NDUFAF5: variants seen among roughly 807,000 people sequenced by gnomAD.
The protein encoded by NDUFAF5 is NADH:ubiquinone oxidoreductase complex assembly factor 5.
In NDUFAF5, 34 loss-of-function variants were observed where a neutral mutation model predicts 48.9. The observed-to-expected ratio is 0.70, with a 90% CI of 0.53 to 0.93. The LOEUF is 0.93. NDUFAF5 is among the 40% of genes least tolerant of loss of function. The pLI is 0.00. For synonymous variants in NDUFAF5, 153 were observed against 150.6 expected (o/e 1.02, Z -0.12); for missense variants, 428 against 427.5 (o/e 1.00, Z -0.01).
chr20:13,804,853 A>G (rs1476058856), intron 7 of NDUFAF5, among the ~76,000 whole-genome samples: 1 of 152,150 alleles, frequency 6.6e-6, no homozygotes, highest in East Asian at 1.9e-4. Context: ...TAAACTTTAG[A>G]CCGTTCAATA....
chr20:13,795,390 ATAT>A, intron 5 of NDUFAF5, among the ~76,000 whole-genome samples: 1 of 152,304 alleles, frequency 6.6e-6, no homozygotes, highest in South Asian at 2.1e-4. Context: ...GCACTATATC[ATAT>A]TATCTCCACC....
In NDUFAF5 at chr20:13,820,696, GA is replaced by G. The variant is rs886504622; in HGVS notation, c.*3497del. On this transcript the variant is annotated 3_prime_UTR_variant, in exon 11 of 11. Transcript: ENST00000378106. ...ACAGCAAGACCCTCGTCTCAAAAAA[GA>G]AAAAAAAAAAGTACAATTTTTGTAT... 107 of 139,190 alleles carry G rather than the reference GA, an allele frequency of 7.7e-4. No homozygotes were observed. The highest frequency in any genetic ancestry group is 7.3e-3 in the Middle Eastern group (2 of 274). The allele number at this position is 139,190 out of a possible 1,614,324, so 8.6% of individuals were successfully genotyped here.
intron 8 of NDUFAF5, among the ~76,000 whole-genome samples, chr20:13,809,669 A>G (rs1020118052): frequency 6.6e-6 from 1 of 152,224 alleles, no homozygotes; most frequent in South Asian, 2.1e-4. Context: ...CATCTTAGAG[A>G]GGTAACAGTA....
At chr20:13,796,756 A>G (rs1983291458) in intron 5 of NDUFAF5, among the ~76,000 whole-genome samples, 1 of 152,232 alleles carries the variant, frequency 6.6e-6, no homozygotes, top group Non-Finnish European at 1.5e-5. Context: ...AGGCAGGCAG[A>G]TCACTTGAGG....
rs1023997014 is a variant in NDUFAF5 at position 13,821,405 on chromosome 20, C to T, written c.*4195C>T. 2 of 152,306 alleles carry T rather than the reference C, an allele frequency of 1.3e-5. No individual in the cohort carries two copies. The highest frequency in any genetic ancestry group is 4.8e-5 in the African/African-American group (2 of 41,456). 9.4% of individuals were successfully genotyped at this position (152,306 alleles called of 1,614,324 possible). A position where few individuals can be genotyped will look rare whatever the true frequency, so the allele number is the denominator to read the frequency against. ...AGGAGCAGAGGCCTCCAGCCAAAAG[C>T]CATGTGAGGGAGCCATCTTGGAAGC... On this transcript the variant is annotated 3_prime_UTR_variant, in exon 11 of 11. Transcript: ENST00000378106.
chr20:13,812,279 A>G lies in NDUFAF5; in HGVS notation c.778+3377A>G, dbSNP rs867567291. 3.9e-4 allele frequency among the ~76,000 whole-genome samples: 59 copies of G among 152,272 alleles called. 1 individual carries two copies. In the Middle Eastern group the frequency reaches 0.031, roughly 79 times the overall value. ...TTACCATTGTCATCAGTTTTCATTC[A>G]TTAATAGAGGGATTGGCAGCCTGTA... On this transcript the variant is annotated intron_variant, in intron 8 of 10. Coordinates refer to ENST00000378106, the MANE Select transcript of NDUFAF5 (RefSeq NM_024120.5).
At chr20:13,816,738 A>G (rs1355804387) in intron 9 of NDUFAF5, 137 bp from the exon 10 acceptor site, 1 of 760,712 alleles carries the variant, frequency 1.3e-6, no homozygotes, top group Non-Finnish European at 2.3e-6. Context: ...CAGTATTAAG[A>G]ATTTTTCATG....
intron 1 of NDUFAF5, among the ~76,000 whole-genome samples, chr20:13,786,015 T>G (rs1324086927): frequency 6.6e-6 from 1 of 152,190 alleles, no homozygotes; most frequent in Non-Finnish European, 1.5e-5. Context: ...ATCTGACTTA[T>G]GTTTTAGGAA....
At chr20:13,802,113 T>A (rs1167121903) in intron 7 of NDUFAF5, among the ~76,000 whole-genome samples, 1 of 151,960 alleles carries the variant, frequency 6.6e-6, no homozygotes, top group African/African-American at 2.4e-5. Context: ...AATGAGAGAA[T>A]GTGTGTTCTC....
At position 13,795,545 on chromosome 20, in the gene NDUFAF5, A is replaced by G. The variant is rs554884564; in HGVS notation, c.479+604A>G. Among the ~76,000 whole-genome samples, 8 of 152,226 alleles carry G rather than the reference A, an allele frequency of 5.3e-5. No individual in the cohort carries two copies. In the South Asian group the frequency reaches 1.7e-3, roughly 32 times the overall value. On this transcript the variant is annotated intron_variant, in intron 5 of 10. Coordinates refer to ENST00000378106, the MANE Select transcript of NDUFAF5 (RefSeq NM_024120.5). ...TTAGCCTTAATTCTTCTGGCCAGGT[A>G]CAGTGGCTCTCACCAGCAATCCCAA... is the stretch of plus-strand genomic sequence containing the variant.
chr20:13,798,262 T>G, intron 5 of NDUFAF5, among the ~76,000 whole-genome samples, 199 bp from the exon 6 acceptor site: 1 of 152,212 alleles, frequency 6.6e-6, no homozygotes, highest in East Asian at 1.9e-4. Context: ...TGGGGAATTT[T>G]CTGGTGTGAC....
Position 13,793,178 on chromosome 20 carries a change from A to T in NDUFAF5, c.328-2A>T. 6.2e-7 allele frequency: 1 copy of T among 1,614,014 alleles called. No homozygotes were observed. Among genetic ancestry groups the T allele is most frequent in the South Asian group, 1.1e-5 (1 of 91,078 alleles). On this transcript the variant is annotated splice_acceptor_variant, in intron 3 of 10. Transcript: ENST00000378106. LOFTEE classifies it high-confidence loss of function. Reference sequence around the variant, plus strand: ...GTTTCAGCTTCAGTTATTCCATTGCAGGAAACTATTGGAAAGTTTTTCCAA... The same window carrying T: ...GTTTCAGCTTCAGTTATTCCATTGCTGGAAACTATTGGAAAGTTTTTCCAA...
At chr20:13,816,772 A>G (rs1347624281) in intron 9 of NDUFAF5, 103 bp from the exon 10 acceptor site, 3 of 821,328 alleles carry the variant, frequency 3.7e-6, no homozygotes, top group East Asian at 2.5e-5. Context: ...GAATCTTACA[A>G]GTATCCTTGT....
chr20:13,809,201 C>CT (rs1258805345), intron 8 of NDUFAF5, among the ~76,000 whole-genome samples: 4 of 151,948 alleles, frequency 2.6e-5, no homozygotes, highest in Non-Finnish European at 5.9e-5. Context: ...GATGGCGGGA[C>CT]TTTTTTTTGA....
In NDUFAF5 at chr20:13,804,072, C is replaced by T. The variant is rs150793758; in HGVS notation, c.717+2389C>T. Among the ~76,000 whole-genome samples, 178 of 152,268 alleles carry T rather than the reference C, an allele frequency of 1.2e-3. 1 individual carries two copies. The highest frequency in any genetic ancestry group is 3.8e-3 in the African/African-American group (156 of 41,550). ...AAGTGCTGGGATTACAGGCATGAGC[C>T]GCTGCGTCTGGCCATATTTTCTAAA... is the stretch of plus-strand genomic sequence containing the variant. On this transcript the variant is annotated intron_variant, in intron 7 of 10. Coordinates refer to ENST00000378106, the MANE Select transcript of NDUFAF5 (RefSeq NM_024120.5).
chr20:13,785,846 T>G (rs1346875690), intron 1 of NDUFAF5, among the ~76,000 whole-genome samples: 1 of 152,212 alleles, frequency 6.6e-6, no homozygotes, highest in Admixed American at 6.5e-5. Context: ...ATGAAATATA[T>G]TAAATATAAA....
At chr20:13,794,808 G>T in intron 4 of NDUFAF5, 30 bp from the exon 5 acceptor site, 2 of 1,267,426 alleles carry the variant, frequency 1.6e-6, no homozygotes, top group South Asian at 2.4e-5. Flanking sequence ...ACATAAATGT[G>T]ATTTTGATCT....
In NDUFAF5 at chr20:13,820,660, T is replaced by C. The variant is rs1986923415; in HGVS notation, c.*3450T>C. 1 of 151,766 alleles carries C rather than the reference T, an allele frequency of 6.6e-6. No homozygotes were observed. Among genetic ancestry groups the C allele is most frequent in the Non-Finnish European group, 1.5e-5 (1 of 68,000 alleles). 9.4% of individuals were successfully genotyped at this position (151,766 alleles called of 1,614,324 possible). A position where few individuals can be genotyped will look rare whatever the true frequency, so the allele number is the denominator to read the frequency against. On this transcript the variant is annotated 3_prime_UTR_variant, in exon 11 of 11. Coordinates refer to ENST00000378106, the MANE Select transcript of NDUFAF5 (RefSeq NM_024120.5). ...AGCAAGCTGTCGCACCACTGCACTC[T>C]AGCCTGGGCAACAGCAAGACCCTCG...
At chr20:13,789,047 G>T (rs998578512) in intron 3 of NDUFAF5, among the ~76,000 whole-genome samples, 10 of 152,028 alleles carry the variant, frequency 6.6e-5, no homozygotes, top group Non-Finnish European at 1.3e-4. Context: ...AATATAAGTA[G>T]CTTTATTAAT....
Sources: allele counts gnomAD v4.1 joint callset (sites outside exome capture counted in the v4.1 genomes callset), GRCh38; gene constraint gnomAD v4.1.1; transcripts MANE v1.5; gene names NCBI Gene and HGNC (gene_info 2026-07-23, HGNC 2026-07-21).